CADPS: variants seen among roughly 807,000 people sequenced by gnomAD.
The protein encoded by CADPS is calcium dependent secretion activator.
CADPS carries 57 observed loss-of-function variants against 167.3 expected under a neutral mutation model. The observed-to-expected ratio is 0.34, with a 90% CI of 0.28 to 0.42. CADPS has a LOEUF of 0.42. Among genes scored for constraint, CADPS ranks in the 20% least tolerant of loss-of-function variants. CADPS has a pLI of 1.00. For synonymous variants in CADPS, 676 were observed against 635.3 expected (o/e 1.06, Z -0.96); for missense variants, 1,414 against 1,738.1 (o/e 0.81, Z 3.32).
intron 26 of CADPS, among the ~76,000 whole-genome samples, chr3:62,448,079 G>A (rs2057487362): frequency 6.6e-6 from 1 of 152,130 alleles, no homozygotes; most frequent in African/African-American, 2.4e-5. Flanking sequence ...ACAGACAGGA[G>A]GCAGAGAAGC....
At position 62,418,938 on chromosome 3, in the gene CADPS, G is replaced by T. The variant is rs927195491; in HGVS notation, c.3778-15753C>A. Among the ~76,000 whole-genome samples, 4 of 152,250 alleles carry T rather than the reference G, an allele frequency of 2.6e-5. No homozygotes were observed. In the South Asian group the frequency reaches 8.3e-4, roughly 32 times the overall value. Reference sequence around the variant, plus strand: ...TGTAACCAATGGTCAAACCCTGAATGAAAAATGGAACATGGGCCAGACACC... The same window carrying T: ...TGTAACCAATGGTCAAACCCTGAATTAAAAATGGAACATGGGCCAGACACC... On this transcript the variant is annotated intron_variant, in intron 28 of 29. Coordinates refer to ENST00000383710, the MANE Select transcript of CADPS (RefSeq NM_003716.4).
chr3:62,495,311 A>G (rs1333377832), intron 18 of CADPS, among the ~76,000 whole-genome samples: 1 of 152,242 alleles, frequency 6.6e-6, no homozygotes, highest in Non-Finnish European at 1.5e-5. Flanking sequence ...CAAGAAGAAC[A>G]AAATGATTCT....
chr3:62,581,976 A>G (rs758277527), intron 8 of CADPS, among the ~76,000 whole-genome samples: 43 of 152,124 alleles, frequency 2.8e-4, no homozygotes, highest in Non-Finnish European at 4.6e-4. Context: ...AGCAGTGTTG[A>G]TTTTTCCCAT....
chr3:62,501,375 G>A (rs888658910), intron 17 of CADPS, among the ~76,000 whole-genome samples: 1 of 152,084 alleles, frequency 6.6e-6, no homozygotes, highest in Admixed American at 6.6e-5. Context: ...ATATTTTTGG[G>A]TAATATGTGT....
chr3:62,826,903 A>G (rs1366886640), intron 1 of CADPS, among the ~76,000 whole-genome samples: 1 of 152,152 alleles, frequency 6.6e-6, no homozygotes, highest in Admixed American at 6.6e-5. Flanking sequence ...TCTTTGTTGG[A>G]AGAAAATCTG....
chr3:62,757,670 C>A (rs2084320013), intron 2 of CADPS, among the ~76,000 whole-genome samples: 1 of 152,120 alleles, frequency 6.6e-6, no homozygotes, highest in African/African-American at 2.4e-5. Context: ...ACTTGGGTCC[C>A]AGCTGGTGTA....
At chr3:62,462,343 C>A (rs981974348) in intron 26 of CADPS, among the ~76,000 whole-genome samples, 1 of 152,228 alleles carries the variant, frequency 6.6e-6, no homozygotes, top group African/African-American at 2.4e-5. Context: ...CCTCCCTCCT[C>A]CCTCCAGCTC....
At chr3:62,796,849 G>A (rs1387408234) in intron 1 of CADPS, among the ~76,000 whole-genome samples, 2 of 152,192 alleles carry the variant, frequency 1.3e-5, no homozygotes, top group Non-Finnish European at 2.9e-5. Flanking sequence ...CAAAAAATGT[G>A]TGACAGAAAT....
At chr3:62,790,353 G>A (rs2092825517) in intron 1 of CADPS, among the ~76,000 whole-genome samples, 1 of 152,020 alleles carries the variant, frequency 6.6e-6, no homozygotes, top group Admixed American at 6.6e-5. Flanking sequence ...ACTGATACAA[G>A]AGAAATTACT....
intron 6 of CADPS, among the ~76,000 whole-genome samples, chr3:62,620,212 G>C (rs2062957060): frequency 6.6e-6 from 1 of 152,082 alleles, no homozygotes; most frequent in African/African-American, 2.4e-5. Context: ...GCAGGGCTGA[G>C]AGACTGCTGT....
chr3:62,707,109 G>T (rs11713204), intron 3 of CADPS, among the ~76,000 whole-genome samples: 11,731 of 152,088 alleles, frequency 0.077, 612 homozygotes, highest in Non-Finnish European at 0.12. Flanking sequence ...CCCACTACCG[G>T]TCCTTGGCCT....
chr3:62,868,142 G>A (rs770567943), intron 1 of CADPS, among the ~76,000 whole-genome samples: 8 of 151,918 alleles, frequency 5.3e-5, no homozygotes, highest in Non-Finnish European at 8.8e-5. Context: ...TTTGATCATC[G>A]GCCCTCCAAT....
chr3:62,465,682 G>C lies in CADPS; in HGVS notation c.3553-232C>G, dbSNP rs2059869277. On this transcript the variant is annotated intron_variant, in intron 25 of 29. Transcript: ENST00000383710. The surrounding 1 kb of genome is among the most constrained non-coding windows in gnomAD (Gnocchi z 4.1). ...GTGATTGCAAATATAGAGTGTTACA[G>C]AAGTGCAAAGTGACAAAATATTATT... Among the ~76,000 whole-genome samples, 2 of 152,210 alleles carry C rather than the reference G, an allele frequency of 1.3e-5. No homozygotes were observed. Among genetic ancestry groups the C allele is most frequent in the Non-Finnish European group, 2.9e-5 (2 of 68,038 alleles).
intron 7 of CADPS, among the ~76,000 whole-genome samples, chr3:62,591,189 G>A (rs991428209): frequency 6.6e-6 from 1 of 152,134 alleles, no homozygotes; most frequent in African/African-American, 2.4e-5. Flanking sequence ...CTATGTGCTG[G>A]GCTCTGGGTA....
chr3:62,862,728 G>T (rs957704261), intron 1 of CADPS, among the ~76,000 whole-genome samples: 6 of 152,154 alleles, frequency 3.9e-5, no homozygotes, highest in African/African-American at 1.4e-4. Flanking sequence ...TCACAATTCT[G>T]CAATAAAATA....
intron 3 of CADPS, among the ~76,000 whole-genome samples, chr3:62,740,698 C>T (rs2080026106): frequency 6.6e-6 from 1 of 152,136 alleles, no homozygotes; most frequent in South Asian, 2.1e-4. Context: ...CTCTGCCATG[C>T]CCCCTACTAC....
intron 3 of CADPS, among the ~76,000 whole-genome samples, chr3:62,663,959 C>T (rs1044186577): frequency 3.9e-5 from 6 of 152,286 alleles, no homozygotes; most frequent in Non-Finnish European, 7.4e-5. Context: ...ACAAAGTCTT[C>T]GAGAAGCTCT....
At chr3:62,658,952 C>T (rs553365464) in intron 4 of CADPS, among the ~76,000 whole-genome samples, 13 of 152,030 alleles carry the variant, frequency 8.6e-5, no homozygotes, top group South Asian at 2.1e-4. Flanking sequence ...ACTCTGCAGG[C>T]CCTGGTTGTT....
intron 5 of CADPS, among the ~76,000 whole-genome samples, chr3:62,650,134 C>A (rs2150176064): frequency 6.6e-6 from 1 of 152,172 alleles, no homozygotes; most frequent in East Asian, 1.9e-4. Context: ...TTATGTTTAA[C>A]TTTTTCAGAA....
Sources: gnomAD v4.1 joint callset for allele counts (sites outside exome capture counted in the v4.1 genomes callset) on GRCh38, gnomAD v4.1.1 for gene constraint, Gnocchi (gnomAD v3.1) non-coding constraint, MANE v1.5 for transcripts, NCBI Gene and HGNC (gene_info 2026-07-23, HGNC 2026-07-21) for gene names.